The following PDE8B variants were observed in gnomAD, a reference collection of about 807,000 sequenced individuals.
PDE8B encodes the protein phosphodiesterase 8B.
A neutral mutation model predicts 101.3 loss-of-function variants in PDE8B; 26 were observed. The ratio of observed to expected loss-of-function variants is 0.26; its 90% CI spans 0.19 to 0.36. The LOEUF is 0.36. Among genes scored for constraint, PDE8B ranks in the 10% least tolerant of loss-of-function variants. The pLI, the probability that PDE8B is intolerant of heterozygous loss-of-function variation, is 1.00. For synonymous variants in PDE8B, 424 were observed against 429.3 expected, an observed-to-expected ratio of 0.99 and a Z score of 0.15; for missense variants, 810 against 1,163.1, an observed-to-expected ratio of 0.70 and a Z score of 4.42.
intron 2 of PDE8B, among the ~76,000 whole-genome samples, chr5:77,315,145 C>T (rs1013815859): frequency 6.6e-6 from 1 of 152,052 alleles, no homozygotes; most frequent in Admixed American, 6.5e-5. Context: ...ATAACTCTGG[C>T]TTTTGAACAA....
In PDE8B at chr5:77,337,282, A is replaced by T; in HGVS notation, c.764A>T (p.Glu255Val). ...TGCTATAATGAACTGATTCAAATAG[A>T]ACATGGGGAAGTTCGCTCCCAGTTC... ...IACYNELIQI[E>V]HGEVRSQFKL... Residue 255 changes from glutamate to valine, a missense_variant, in exon 6 of 22, where the codon GAA (glutamate) becomes GTA (valine). Around this residue, in one of 4 missense-constraint regions of PDE8B, gnomAD observed 251 missense variants for 378.8 expected, o/e 0.66. Coordinates refer to ENST00000264917, the MANE Select transcript of PDE8B (RefSeq NM_003719.5). 1.9e-6 allele frequency: 3 copies of T among 1,596,640 alleles called. No individual in the cohort carries two copies. Among genetic ancestry groups the T allele is most frequent in the South Asian group, 1.1e-5 (1 of 89,930 alleles).
At chr5:77,190,403 T>A in the PDE8B span, among the ~76,000 whole-genome samples, 16 of 151,886 alleles carry the variant, frequency 1.1e-4, no homozygotes, top group African/African-American at 3.9e-4. Flanking sequence ...TGAAAAATGT[T>A]ACTCTTAATA....
In PDE8B at chr5:77,407,391, G is replaced by T. The variant is rs376289812; in HGVS notation, c.1299G>T (p.Leu433=). The T allele has an allele frequency of 1.9e-5, 30 of 1,613,866 alleles. No homozygotes were observed. Among genetic ancestry groups the T allele is most frequent in the Non-Finnish European group, 2.1e-5 (25 of 1,179,900 alleles). ...TTGCCTTCTCTCCAGCACCAAGCCTGCAGAATCGTCGCTATCCGTCCATGG... is the reference window on the plus strand; with the variant it reads ...TTGCCTTCTCTCCAGCACCAAGCCTTCAGAATCGTCGCTATCCGTCCATGG... ...ISSRGSDAPS[L]QNRRYPSMAR... The change falls in exon 13 of 22, where the codon CTG becomes CTT. Residue 433 remains leucine (L), a synonymous_variant. Coordinates refer to ENST00000264917, the MANE Select transcript of PDE8B (RefSeq NM_003719.5).
At chr5:77,272,422 G>T (rs1762980099) in intron 1 of PDE8B, among the ~76,000 whole-genome samples, 1 of 152,206 alleles carries the variant, frequency 6.6e-6, no homozygotes, top group African/African-American at 2.4e-5. Context: ...AGGATTTGTG[G>T]TGCCTCGAAC....
In PDE8B at chr5:77,286,869, A is replaced by G. The variant is rs530675049; in HGVS notation, c.340-25125A>G. On this transcript the variant is annotated intron_variant, in intron 1 of 21. Transcript: ENST00000264917. ...TATACCCTTTTTGTAATTAGTAGAA[A>G]TTACAAAATTACTTTTACCTTGTTA... is the stretch of plus-strand genomic sequence containing the variant. Among the ~76,000 whole-genome samples the G allele has an allele frequency of 3.2e-4, 49 of 152,286 alleles. No homozygotes were observed. The South Asian group carries it at 5.0e-3, about 15-fold the overall frequency.
chr5:77,425,727 C>T (rs771664257), intron 20 of PDE8B, 40 bp from the exon 21 acceptor site: 33 of 1,606,100 alleles, frequency 2.1e-5, no homozygotes, highest in Admixed American at 1.7e-4. Context: ...GAAAGTGTCT[C>T]GCATGTCCTC....
chr5:77,241,418 A>G (rs1755743765), intron 1 of PDE8B, among the ~76,000 whole-genome samples: 1 of 152,224 alleles, frequency 6.6e-6, no homozygotes, highest in Admixed American at 6.5e-5. Context: ...GAGGAGGTAA[A>G]CAGGCATAAT....
the PDE8B span, among the ~76,000 whole-genome samples, chr5:77,168,813 T>C: frequency 6.6e-6 from 1 of 152,188 alleles, no homozygotes; most frequent in African/African-American, 2.4e-5. Flanking sequence ...CACTCTGAAA[T>C]GGAAGCTCCA....
chr5:77,170,312 G>A, the PDE8B span, among the ~76,000 whole-genome samples: 1 of 152,290 alleles, frequency 6.6e-6, no homozygotes, highest in East Asian at 1.9e-4. Flanking sequence ...AGTCTGGGAA[G>A]ACAAAAGTGA....
At chr5:77,261,745 G>T (rs893750598) in intron 1 of PDE8B, among the ~76,000 whole-genome samples, 1 of 152,216 alleles carries the variant, frequency 6.6e-6, no homozygotes, top group Admixed American at 6.5e-5. Context: ...GGCTGTCAGT[G>T]GAAGGAGGAT....
rs145802237 is a variant in PDE8B, at chr5:77,361,254, A to G, written c.1167+7848A>G. Among the ~76,000 whole-genome samples, 5 of 152,334 alleles carry G rather than the reference A, an allele frequency of 3.3e-5. No homozygotes were observed. In the East Asian group the frequency reaches 9.6e-4, roughly 29 times the overall value. ...AAGGGAGTATTTTTAGATCAAGAAA[A>G]TTGGCAAACTCTACAAATCAGGACC... On this transcript the variant is annotated intron_variant, in intron 10 of 21. Coordinates refer to ENST00000264917, the MANE Select transcript of PDE8B (RefSeq NM_003719.5).
chr5:77,402,620 G>A (rs1792530968), intron 11 of PDE8B, among the ~76,000 whole-genome samples: 1 of 152,200 alleles, frequency 6.6e-6, no homozygotes. Flanking sequence ...AGACATATAT[G>A]CAAATGAACG....
intron 1 of PDE8B, among the ~76,000 whole-genome samples, chr5:77,260,369 G>T (rs1008571824): frequency 6.6e-6 from 1 of 152,000 alleles, no homozygotes; most frequent in Admixed American, 6.5e-5. Flanking sequence ...AAAGGAGGAG[G>T]CCTTTTCCTG....
chr5:77,101,703 A>G, the PDE8B span, among the ~76,000 whole-genome samples: 8 of 152,302 alleles, frequency 5.3e-5, no homozygotes, highest in East Asian at 9.7e-4. Flanking sequence ...CATTTCGCCC[A>G]TAAAGCCTAG....
At chr5:77,222,450 C>A (rs934351547) in intron 1 of PDE8B, among the ~76,000 whole-genome samples, 48 of 152,088 alleles carry the variant, frequency 3.2e-4, no homozygotes, top group African/African-American at 1.1e-3. Context: ...GGTGAAACCC[C>A]ATCTCTCCTA....
At chr5:77,196,756 T>C in the PDE8B span, among the ~76,000 whole-genome samples, 13 of 152,304 alleles carry the variant, frequency 8.5e-5, no homozygotes, top group African/African-American at 3.1e-4. Flanking sequence ...AATGTTTGTG[T>C]AGGGTTAGTA....
In PDE8B at chr5:77,426,845, G is replaced by A. The variant is rs371862023; in HGVS notation, c.*291G>A. The A allele has an allele frequency of 9.7e-5, 37 of 382,526 alleles. No individual in the cohort carries two copies. Among genetic ancestry groups the A allele is most frequent in the African/African-American group, 6.6e-4 (32 of 48,196 alleles). 23.7% of individuals were successfully genotyped at this position (382,526 alleles called of 1,614,324 possible). ...TGTCAATCCATGGAGCTGGTTCACTGTAACTAGCAGGCCACAGGAAGCAAA... is the reference window on the plus strand; with the variant it reads ...TGTCAATCCATGGAGCTGGTTCACTATAACTAGCAGGCCACAGGAAGCAAA... On this transcript the variant is annotated 3_prime_UTR_variant, in exon 22 of 22. Transcript: ENST00000264917.
chr5:77,287,729 T>C (rs1766353611), intron 1 of PDE8B, among the ~76,000 whole-genome samples: 2 of 152,248 alleles, frequency 1.3e-5, no homozygotes, highest in South Asian at 4.1e-4. Flanking sequence ...CTCTGTTCAC[T>C]GTGTCTAATA....
chr5:77,292,654 C>T lies in PDE8B; in HGVS notation c.340-19340C>T, dbSNP rs553514111. 7.2e-5 allele frequency among the ~76,000 whole-genome samples: 11 copies of T among 152,128 alleles called. No individual in the cohort carries two copies. In the South Asian group the frequency reaches 2.3e-3, roughly 32 times the overall value. Reference sequence around the variant, plus strand: ...AGCATTGCTGCCTGGTTTTACAGCCCATTTGTGTATTTGTTTTGAGCATTG... The same window carrying T: ...AGCATTGCTGCCTGGTTTTACAGCCTATTTGTGTATTTGTTTTGAGCATTG... On this transcript the variant is annotated intron_variant, in intron 1 of 21. Coordinates refer to ENST00000264917, the MANE Select transcript of PDE8B (RefSeq NM_003719.5).
Sources: gnomAD v4.1 joint callset for allele counts (sites outside exome capture counted in the v4.1 genomes callset) on GRCh38, gnomAD v4.1.1 for gene constraint, gnomAD v4.1.1 regional missense constraint, MANE v1.5 for transcripts, NCBI Gene and HGNC (gene_info 2026-07-23, HGNC 2026-07-21) for gene names.